The following WIPI2 variants were observed in gnomAD, a reference collection of about 807,000 sequenced individuals.
WIPI2 encodes WD repeat domain phosphoinositide-interacting protein 2.
In WIPI2, 28 loss-of-function variants were observed where a neutral mutation model predicts 52.3. That is an observed-to-expected ratio of 0.54 (90% confidence interval 0.40 to 0.73). The LOEUF (loss-of-function observed/expected upper bound fraction) is 0.73. Among genes scored for constraint, WIPI2 ranks in the 30% least tolerant of loss-of-function variants. WIPI2 has a pLI of 0.00. For missense variants in WIPI2, 506 were observed against 602.9 expected, an observed-to-expected ratio of 0.84 and a Z score of 1.68; for synonymous variants, 268 against 245.0, an observed-to-expected ratio of 1.09 and a Z score of -0.88.
chr7:5,190,246 C>A lies in WIPI2; in HGVS notation c.-174C>A, dbSNP rs891014624. The A allele has an allele frequency of 2.1e-5, 7 of 333,218 alleles. No individual in the cohort carries two copies. The highest frequency in any genetic ancestry group is 1.8e-3 in the Middle Eastern group (2 of 1,116). 20.6% of individuals were successfully genotyped at this position (333,218 alleles called of 1,614,324 possible). ...GGCCGCGCAGGCGTACCGGGTGCCC[C>A]GGCTCTGGAGCATAAACAAGAGCGG... On this transcript the variant is annotated 5_prime_UTR_variant, in exon 1 of 13. Coordinates refer to ENST00000288828, the MANE Select transcript of WIPI2 (RefSeq NM_015610.4).
At chr7:5,222,574 ATTC>A (rs1783195804) in intron 7 of WIPI2, 25 bp from the exon 8 acceptor site, 3 of 1,607,586 alleles carry the variant, frequency 1.9e-6, no homozygotes, top group Admixed American at 1.7e-5. Flanking sequence ...CTCAGCTCAA[ATTC>A]TTCTTTTCTC....
chr7:5,224,385 G>A (rs1021966332), intron 8 of WIPI2, among the ~76,000 whole-genome samples: 1 of 152,152 alleles, frequency 6.6e-6, no homozygotes, highest in Admixed American at 6.5e-5. Context: ...TTTGCCTGTG[G>A]CAAATGGAAT....
At chr7:5,200,049 G>GC (rs1353995037) in intron 3 of WIPI2, among the ~76,000 whole-genome samples, 2 of 152,214 alleles carry the variant, frequency 1.3e-5, no homozygotes, top group Non-Finnish European at 2.9e-5. Context: ...TCCCGCGTTG[G>GC]CATTTTACAG....
chr7:5,221,910 A>C (rs1330645107), intron 7 of WIPI2, among the ~76,000 whole-genome samples: 4 of 151,762 alleles, frequency 2.6e-5, no homozygotes, highest in Non-Finnish European at 5.9e-5. Context: ...TCGTCAGACC[A>C]CAAGGTCTTG....
At chr7:5,196,280 T>C (rs1348042081) in intron 2 of WIPI2, among the ~76,000 whole-genome samples, 4 of 151,224 alleles carry the variant, frequency 2.6e-5, no homozygotes, top group African/African-American at 9.7e-5. Flanking sequence ...ACCCAGGAGG[T>C]GGAGGTTCCA....
At chr7:5,217,443 C>T (rs1782872687) in intron 6 of WIPI2, 2 of 472,528 alleles carry the variant, frequency 4.2e-6, no homozygotes, top group South Asian at 4.2e-5. Context: ...GAGTTACAGT[C>T]ATGCAACACC....
intron 2 of WIPI2, among the ~76,000 whole-genome samples, chr7:5,196,750 G>C (rs897765337): frequency 6.6e-6 from 1 of 152,048 alleles, no homozygotes; most frequent in Non-Finnish European, 1.5e-5. Flanking sequence ...TGTTAATGAC[G>C]GCAGGATGGT....
chr7:5,194,776 A>G (rs559956601), intron 2 of WIPI2, among the ~76,000 whole-genome samples: 1 of 152,198 alleles, frequency 6.6e-6, no homozygotes, highest in Non-Finnish European at 1.5e-5. Flanking sequence ...TCAAAAAGAT[A>G]TTTTAAAAGG....
chr7:5,233,763 C>A lies in WIPI2; in HGVS notation c.*2816C>A, dbSNP rs1293115929. 4 of 152,264 alleles carry A rather than the reference C, an allele frequency of 2.6e-5. No individual in the cohort carries two copies. The highest frequency in any genetic ancestry group is 9.6e-5 in the African/African-American group (4 of 41,470). The allele number at this position is 152,264 out of a possible 1,614,324, so 9.4% of individuals were successfully genotyped here. A position where few individuals can be genotyped will look rare whatever the true frequency, so the allele number is the denominator to read the frequency against. On this transcript the variant is annotated 3_prime_UTR_variant, in exon 13 of 13. Coordinates refer to ENST00000288828, the MANE Select transcript of WIPI2 (RefSeq NM_015610.4). The stretch of plus-strand genomic sequence containing the variant: ...AGGTGTTGTGTGACTGCGTGTCCTG[C>A]AAACGCCCAGCTCGGTGCCCAGCCA...
intron 3 of WIPI2, chr7:5,214,274 A>C: frequency 6.9e-7 from 1 of 1,448,454 alleles, no homozygotes; most frequent in Non-Finnish European, 9.1e-7. Flanking sequence ...CAGCAACAGA[A>C]CTGACTGAAA....
At chr7:5,202,255 TCACA>T (rs528197140) in intron 3 of WIPI2, among the ~76,000 whole-genome samples, 2 of 152,020 alleles carry the variant, frequency 1.3e-5, no homozygotes, top group African/African-American at 4.8e-5. Flanking sequence ...AAAAGAAAAT[TCACA>T]CACACACACA....
chr7:5,193,363 G>T, intron 2 of WIPI2, 192 bp downstream of exon 2: 1 of 1,389,252 alleles, frequency 7.2e-7, no homozygotes, highest in East Asian at 2.6e-5. Context: ...ATGTAGCAAT[G>T]TCTGTTTTAA....
chr7:5,191,155 G>A (rs1266893189), intron 1 of WIPI2, among the ~76,000 whole-genome samples: 1 of 152,066 alleles, frequency 6.6e-6, no homozygotes, highest in African/African-American at 2.4e-5. Context: ...GAGTAGCTGA[G>A]ACTACAGGCA....
At chr7:5,203,269 G>A (rs928225956) in intron 3 of WIPI2, among the ~76,000 whole-genome samples, 5 of 152,218 alleles carry the variant, frequency 3.3e-5, no homozygotes, top group Non-Finnish European at 7.3e-5. Flanking sequence ...GTATCCTACA[G>A]AGGAGAAACC....
At chr7:5,226,084 C>G in intron 9 of WIPI2, 154 bp downstream of exon 9, 1 of 692,672 alleles carries the variant, frequency 1.4e-6, no homozygotes, top group Non-Finnish European at 2.5e-6. Flanking sequence ...ACCTCCGCAT[C>G]CAGGCTCGGC....
At chr7:5,197,505 T>A (rs1275469289) in intron 2 of WIPI2, among the ~76,000 whole-genome samples, 4 of 152,198 alleles carry the variant, frequency 2.6e-5, no homozygotes. Context: ...ACAATTGATG[T>A]AACTAATTCA....
At chr7:5,202,001 G>A (rs13236617) in intron 3 of WIPI2, among the ~76,000 whole-genome samples, 19,446 of 151,862 alleles carry the variant, frequency 0.13, 1,363 homozygotes, top group East Asian at 0.31. Context: ...TAGCTACTAA[G>A]TGAAATGTCA....
rs551174105 is a variant in WIPI2, at chr7:5,203,485, A to AT, written c.211+3829dup. Among the ~76,000 whole-genome samples, 528 of 152,326 alleles carry AT rather than the reference A, an allele frequency of 3.5e-3. 1 individual carries two copies. Among genetic ancestry groups the AT allele is most frequent in the Non-Finnish European group, 6.3e-3 (426 of 68,032 alleles). ...GCAACATTCTTTTTTAAATCAAGTA[A>AT]TTAATTTCTTAGATTTTAGTCAGGC... On this transcript the variant is annotated intron_variant, in intron 3 of 12. Coordinates refer to ENST00000288828, the MANE Select transcript of WIPI2 (RefSeq NM_015610.4).
In WIPI2 at chr7:5,232,529, T is replaced by A. The variant is rs1320148850; in HGVS notation, c.*1582T>A. 4 of 391,366 alleles carry A rather than the reference T, an allele frequency of 1.0e-5. No individual in the cohort carries two copies. The highest frequency in any genetic ancestry group is 6.4e-4 in the Middle Eastern group (1 of 1,564). 24.2% of individuals were successfully genotyped at this position (391,366 alleles called of 1,614,324 possible). A position where few individuals can be genotyped will look rare whatever the true frequency, so the allele number is the denominator to read the frequency against. On this transcript the variant is annotated 3_prime_UTR_variant, in exon 13 of 13. Transcript: ENST00000288828. ...AAACCTGCTTGTCTGTCCTGGACCT[T>A]TGATGAAATGGGATCCCGGTCACGC... is the stretch of plus-strand genomic sequence containing the variant.
Sources: gnomAD v4.1 joint callset for allele counts (sites outside exome capture counted in the v4.1 genomes callset) on GRCh38, gnomAD v4.1.1 for gene constraint, MANE v1.5 for transcripts, NCBI Gene and HGNC (gene_info 2026-07-23, HGNC 2026-07-21) for gene names.